The following RAD51B variants were observed in gnomAD, a reference collection of about 807,000 sequenced individuals.
The protein encoded by RAD51B is RAD51 paralog B, also known as DNA repair protein RAD51 homolog 2.
RAD51B carries 38 observed loss-of-function variants against 42.2 expected under a neutral mutation model. The observed-to-expected ratio is 0.90, with a 90% CI of 0.70 to 1.18. The LOEUF is 1.18. Among genes scored for constraint, RAD51B ranks in the 50% most tolerant of loss-of-function variants. The pLI, the probability that RAD51B is intolerant of heterozygous loss-of-function variation, is 0.00. For synonymous variants in RAD51B, 154 were observed against 145.2 expected (o/e 1.06, Z -0.43); for missense variants, 373 against 400.7 (o/e 0.93, Z 0.59).
chr14:68,300,107 A>G (rs2081696345), intron 8 of RAD51B, among the ~76,000 whole-genome samples: 1 of 152,208 alleles, frequency 6.6e-6, no homozygotes, highest in Non-Finnish European at 1.5e-5. Flanking sequence ...AAATACCCAA[A>G]CATAACATCT....
intron 7 of RAD51B, among the ~76,000 whole-genome samples, chr14:68,099,192 G>T (rs1225376516): frequency 2.0e-5 from 3 of 152,148 alleles, no homozygotes; most frequent in African/African-American, 7.2e-5. Flanking sequence ...AACACATAAA[G>T]TCTTATTATT....
chr14:67,848,450 C>T (rs2041696697), intron 4 of RAD51B, among the ~76,000 whole-genome samples: 1 of 152,146 alleles, frequency 6.6e-6, no homozygotes, highest in African/African-American at 2.4e-5. Context: ...CTTTCTTCAT[C>T]CCTTTTTACT....
intron 7 of RAD51B, among the ~76,000 whole-genome samples, chr14:68,178,679 A>G (rs2079005172): frequency 6.6e-6 from 1 of 152,212 alleles, no homozygotes; most frequent in Non-Finnish European, 1.5e-5. Flanking sequence ...AGTGCTGTCC[A>G]ATAGCTGGCA....
intron 7 of RAD51B, among the ~76,000 whole-genome samples, chr14:68,144,491 G>A (rs1309228515): frequency 6.6e-6 from 1 of 152,214 alleles, no homozygotes. Flanking sequence ...AATATGGAAA[G>A]CAAAACAAGA....
chr14:67,987,696 A>G (rs1357241093), intron 7 of RAD51B, among the ~76,000 whole-genome samples: 3 of 152,164 alleles, frequency 2.0e-5, no homozygotes, highest in Non-Finnish European at 2.9e-5. Flanking sequence ...TTATCTCTGA[A>G]GGCCTATTTT....
intron 7 of RAD51B, among the ~76,000 whole-genome samples, chr14:68,038,191 A>G (rs370087262): frequency 1.3e-5 from 2 of 152,356 alleles, no homozygotes; most frequent in African/African-American, 4.8e-5. Context: ...ATTTGCTTAT[A>G]ATTTCCTCTT....
At chr14:68,450,427 C>T (rs1165673260) in intron 9 of RAD51B, among the ~76,000 whole-genome samples, 2 of 152,070 alleles carry the variant, frequency 1.3e-5, no homozygotes, top group East Asian at 3.9e-4. Flanking sequence ...CCCTGTTGAC[C>T]AGGCTGGTCT....
chr14:68,023,130 G>T (rs1203640690), intron 7 of RAD51B, among the ~76,000 whole-genome samples: 1 of 152,132 alleles, frequency 6.6e-6, no homozygotes, highest in Non-Finnish European at 1.5e-5. Context: ...ATGTGCATTT[G>T]TCTTTATGGT....
intron 10 of RAD51B, among the ~76,000 whole-genome samples, chr14:68,622,852 C>G (rs770090988): frequency 1.3e-5 from 2 of 151,954 alleles, no homozygotes; most frequent in Non-Finnish European, 2.9e-5. Flanking sequence ...GAAAACGATA[C>G]CCCTGAGATC....
At chr14:68,419,991 T>A (rs185645613) in intron 9 of RAD51B, among the ~76,000 whole-genome samples, 1 of 152,300 alleles carries the variant, frequency 6.6e-6, no homozygotes, top group Non-Finnish European at 1.5e-5. Flanking sequence ...CTTTACTGAG[T>A]ACCTATGAGT....
chr14:68,379,008 A>C (rs2083427225), intron 8 of RAD51B, among the ~76,000 whole-genome samples: 1 of 152,330 alleles, frequency 6.6e-6, no homozygotes, highest in African/African-American at 2.4e-5. Context: ...TCATCCAATT[A>C]CAGCAACAAA....
chr14:67,871,411 C>T (rs2042527214), intron 5 of RAD51B, among the ~76,000 whole-genome samples: 2 of 151,292 alleles, frequency 1.3e-5, no homozygotes, highest in African/African-American at 4.9e-5. Flanking sequence ...TCTGAATAGA[C>T]CAATAACAGG....
chr14:68,411,289 C>G (rs45447295), intron 8 of RAD51B, 135 bp from the exon 9 acceptor site: 7 of 707,536 alleles, frequency 9.9e-6, no homozygotes, highest in Admixed American at 4.5e-5. Flanking sequence ...TTCACTGATT[C>G]CTCAAGTTCT....
At chr14:67,984,541 G>T (rs754995067) in intron 7 of RAD51B, among the ~76,000 whole-genome samples, 7 of 152,112 alleles carry the variant, frequency 4.6e-5, no homozygotes, top group Non-Finnish European at 1.0e-4. Flanking sequence ...AGTATGAATT[G>T]CTAAAGTTTC....
chr14:68,494,121 C>CA (rs979256133), intron 10 of RAD51B, among the ~76,000 whole-genome samples: 6 of 150,494 alleles, frequency 4.0e-5, no homozygotes, highest in East Asian at 1.9e-4. Flanking sequence ...ACTAAAAATA[C>CA]AAAAAAAAAT....
intron 1 of RAD51B, among the ~76,000 whole-genome samples, chr14:67,820,225 G>A (rs1401955746): frequency 6.6e-6 from 1 of 152,164 alleles, no homozygotes; most frequent in Non-Finnish European, 1.5e-5. Context: ...TGGAGAGCGT[G>A]GAATCTGGAG....
chr14:68,290,135 TA>T (rs1445731424), intron 7 of RAD51B, among the ~76,000 whole-genome samples: 1 of 152,158 alleles, frequency 6.6e-6, no homozygotes, highest in East Asian at 1.9e-4. Context: ...AGCTGGATAA[TA>T]AAAAATGGAG....
intron 7 of RAD51B, among the ~76,000 whole-genome samples, chr14:68,243,989 G>T (rs867713656): frequency 6.6e-6 from 1 of 151,946 alleles, no homozygotes; most frequent in Non-Finnish European, 1.5e-5. Flanking sequence ...ATGTCTTTTC[G>T]TGATGACCTG....
At chr14:68,496,008 G>T (rs749138971) in intron 10 of RAD51B, among the ~76,000 whole-genome samples, 3 of 152,176 alleles carry the variant, frequency 2.0e-5, no homozygotes, top group Non-Finnish European at 2.9e-5. Flanking sequence ...TGTTACTGAT[G>T]CAATTAAAGC....
Sources: gnomAD v4.1 joint callset for allele counts (sites outside exome capture counted in the v4.1 genomes callset) on GRCh38, gnomAD v4.1.1 for gene constraint, MANE v1.5 for transcripts, NCBI Gene and HGNC (gene_info 2026-07-23, HGNC 2026-07-21) for gene names.